Variants in TNKS observed in about 807,000 individuals in gnomAD.
TNKS encodes the protein tankyrase, also known as poly [ADP-ribose] polymerase tankyrase-1.
In TNKS, 72 loss-of-function variants were observed where a neutral mutation model predicts 135.8. That is an observed-to-expected ratio of 0.53 (90% CI 0.44 to 0.64). TNKS has a LOEUF of 0.64. Ranked by LOEUF, TNKS falls within the 30% of genes least tolerant of loss-of-function variation. The probability of loss-of-function intolerance (pLI) is 0.00; values close to 1 mark genes in which losing one functional copy is unlikely to be tolerated. For synonymous variants in TNKS, 849 were observed against 649.3 expected, an observed-to-expected ratio of 1.31 and a Z score of -4.68; for missense variants, 1,769 against 1,674.0, an observed-to-expected ratio of 1.06 and a Z score of -0.99.
At chr8:9,701,892 G>A (rs2128806281) in intron 5 of TNKS, among the ~76,000 whole-genome samples, 1 of 152,298 alleles carries the variant, frequency 6.6e-6, no homozygotes, top group South Asian at 2.1e-4. Context: ...AGTAACACAT[G>A]GGTGAGGAGA....
intron 3 of TNKS, among the ~76,000 whole-genome samples, chr8:9,668,521 A>T (rs1247811632): frequency 6.6e-6 from 1 of 152,234 alleles, no homozygotes; most frequent in Non-Finnish European, 1.5e-5. Context: ...CTAGTTTGAT[A>T]TCCTTATGAT....
At chr8:9,712,278 G>A (rs1472452211) in intron 11 of TNKS, among the ~76,000 whole-genome samples, 5 of 152,142 alleles carry the variant, frequency 3.3e-5, no homozygotes, top group Admixed American at 3.3e-4. Context: ...CCAGGAGTTC[G>A]ACACCAGCCT....
intron 9 of TNKS, 68 bp from the exon 10 acceptor site, chr8:9,709,887 G>A (rs1477152541): frequency 3.3e-6 from 4 of 1,215,336 alleles, no homozygotes; most frequent in East Asian, 2.3e-5. Flanking sequence ...AGCAGATACT[G>A]TTCAATTCCA....
intron 2 of TNKS, among the ~76,000 whole-genome samples, chr8:9,610,154 G>C (rs2128763135): frequency 6.8e-6 from 1 of 147,370 alleles, no homozygotes; most frequent in Admixed American, 6.7e-5. Context: ...ACTGCGCCCG[G>C]CCTTGAATTT....
chr8:9,665,942 A>G (rs557754678), intron 3 of TNKS, among the ~76,000 whole-genome samples: 1 of 151,652 alleles, frequency 6.6e-6, no homozygotes, highest in Non-Finnish European at 1.5e-5. Context: ...CTCTCTTTTT[A>G]CTACTCTTCT....
intron 14 of TNKS, 35 bp from the exon 15 acceptor site, chr8:9,733,244 G>C (rs778091758): frequency 6.6e-7 from 1 of 1,525,800 alleles, no homozygotes; most frequent in Non-Finnish European, 8.7e-7. Flanking sequence ...TCAAAGGTTT[G>C]TTTTATGACT....
rs575151048 is a variant in TNKS at position 9,573,419 on chromosome 8, A to G, written c.674-6740A>G. ...TGCCTTACTTGAACACAGTTTGAAC[A>G]TTTGGCTGCCTTTAGCTGAGTCTTT... On this transcript the variant is annotated intron_variant, in intron 1 of 26. Coordinates refer to ENST00000310430, the MANE Select transcript of TNKS (RefSeq NM_003747.3). Among the ~76,000 whole-genome samples, 14 of 152,330 alleles carry G rather than the reference A, an allele frequency of 9.2e-5. No homozygotes were observed. The South Asian group carries it at 2.9e-3, about 32-fold the overall frequency.
At chr8:9,707,490 G>C (rs1033470402) in intron 8 of TNKS, among the ~76,000 whole-genome samples, 2 of 152,046 alleles carry the variant, frequency 1.3e-5, no homozygotes, top group African/African-American at 4.8e-5. Flanking sequence ...GCCCTGCAAG[G>C]CTGCACAATC....
chr8:9,730,369 A>G (rs1805373918), intron 13 of TNKS, among the ~76,000 whole-genome samples: 6 of 152,208 alleles, frequency 3.9e-5, no homozygotes, highest in Admixed American at 3.9e-4. Context: ...CAAGTAAAGC[A>G]CTGTTGACGA....
At chr8:9,730,814 A>G (rs1805398447) in intron 13 of TNKS, 76 bp from the exon 14 acceptor site, 1 of 1,491,828 alleles carries the variant, frequency 6.7e-7, no homozygotes, top group Non-Finnish European at 9.1e-7. Context: ...CAAGATGTTG[A>G]ACTATTTTGG....
chr8:9,641,706 A>G (rs1432551815), intron 3 of TNKS, among the ~76,000 whole-genome samples: 1 of 144,776 alleles, frequency 6.9e-6, no homozygotes, highest in Non-Finnish European at 1.5e-5. Context: ...TTTACTTTGC[A>G]ACTCAATAAT....
At chr8:9,775,067 A>T (rs1051478356) in intron 26 of TNKS, among the ~76,000 whole-genome samples, 4 of 152,244 alleles carry the variant, frequency 2.6e-5, no homozygotes, top group Admixed American at 6.5e-5. Context: ...CAATACACGG[A>T]TGCTAGTGAT....
rs2128817420 is a variant in TNKS at position 9,730,936 on chromosome 8, G to A, written c.2048G>A (p.Arg683Gln). Reference sequence around the variant, plus strand: ...GTGAATTGTAGAGACTTAGAGGGCCGGCATTCCACGCCCTTACACTTCGCA... The same window carrying A: ...GTGAATTGTAGAGACTTAGAGGGCCAGCATTCCACGCCCTTACACTTCGCA... ...QNVNCRDLEG[R>Q]HSTPLHFAAG... Residue 683 changes from arginine to glutamine, a missense_variant, in exon 14 of 27, where the codon CGG (arginine) becomes CAG (glutamine). Arg to Gln is a conservative substitution (Grantham distance 43). This residue lies in a region of TNKS where 69 missense variants were observed against 120.3 expected (regional missense o/e 0.57). Coordinates refer to ENST00000310430, the MANE Select transcript of TNKS (RefSeq NM_003747.3). 1.9e-6 allele frequency: 3 copies of A among 1,613,942 alleles called. No individual in the cohort carries two copies. Among genetic ancestry groups the A allele is most frequent in the Non-Finnish European group, 2.5e-6 (3 of 1,179,948 alleles).
At chr8:9,772,341 G>C (rs1454415864) in intron 26 of TNKS, 1 of 453,230 alleles carries the variant, frequency 2.2e-6, no homozygotes, top group East Asian at 7.0e-5. Flanking sequence ...ACCAATGAGG[G>C]ACAGATAGGC....
At chr8:9,747,991 C>T in intron 17 of TNKS, 33 bp from the exon 18 acceptor site, 1 of 1,572,656 alleles carries the variant, frequency 6.4e-7, no homozygotes, top group Non-Finnish European at 8.6e-7. Context: ...TGATCTCATT[C>T]TTAACTCTTT....
chr8:9,743,921 A>G (rs996579636), intron 17 of TNKS, among the ~76,000 whole-genome samples: 1 of 152,206 alleles, frequency 6.6e-6, no homozygotes, highest in African/African-American at 2.4e-5. Flanking sequence ...GACTAGGCTG[A>G]GGATGAAATA....
chr8:9,606,653 C>G (rs76453600), intron 2 of TNKS, among the ~76,000 whole-genome samples: 11,425 of 152,056 alleles, frequency 0.075, 456 homozygotes, highest in South Asian at 0.17. Context: ...GAGGTCTTTG[C>G]TAACTAACCC....
intron 25 of TNKS, among the ~76,000 whole-genome samples, chr8:9,767,785 C>CCGTCT (rs1164405462): frequency 1.3e-5 from 2 of 151,826 alleles, no homozygotes; most frequent in Non-Finnish European, 2.9e-5. Context: ...CGGTGCAACC[C>CCGTCT]CGTCTCTACT....
intron 17 of TNKS, among the ~76,000 whole-genome samples, chr8:9,735,769 C>T (rs995550536): frequency 6.6e-6 from 1 of 152,044 alleles, no homozygotes; most frequent in Non-Finnish European, 1.5e-5. Context: ...CACTGCACTC[C>T]AGCCTGGGTG....
Sources: gnomAD v4.1 joint callset for allele counts (sites outside exome capture counted in the v4.1 genomes callset) on GRCh38, gnomAD v4.1.1 for gene constraint, gnomAD v4.1.1 regional missense constraint, MANE v1.5 for transcripts, NCBI Gene and HGNC (gene_info 2026-07-23, HGNC 2026-07-21) for gene names.